SP4: variants seen among roughly 807,000 people sequenced by gnomAD.
SP4 encodes the protein Sp4 transcription factor.
SP4 carries 19 observed loss-of-function variants against 72.8 expected under a neutral mutation model. That is an observed-to-expected ratio of 0.26 (90% CI 0.18 to 0.38). The LOEUF (loss-of-function observed/expected upper bound fraction) is 0.38, where lower values mean the gene tolerates loss of function less well. Ranked by LOEUF, SP4 falls within the 10% of genes least tolerant of loss-of-function variation. The probability of loss-of-function intolerance (pLI) is 1.00; values close to 1 mark genes in which losing one functional copy is unlikely to be tolerated. For missense variants in SP4, 1,008 were observed against 926.3 expected, an observed-to-expected ratio of 1.09 and a Z score of -1.14; for synonymous variants, 395 against 333.1, an observed-to-expected ratio of 1.19 and a Z score of -2.02.
chr7:21,492,706 T>C (rs1036939856), intron 5 of SP4, among the ~76,000 whole-genome samples: 8 of 152,196 alleles, frequency 5.3e-5, no homozygotes, highest in Non-Finnish European at 1.0e-4. Flanking sequence ...GTGGTATAAA[T>C]TATACTAATC....
At chr7:21,453,117 C>A (rs1449591800) in intron 3 of SP4, among the ~76,000 whole-genome samples, 3 of 152,106 alleles carry the variant, frequency 2.0e-5, no homozygotes, top group Non-Finnish European at 4.4e-5. Context: ...CAAAAGTTTT[C>A]TTGGCGTTGA....
chr7:21,439,877 G>T (rs1783183645), intron 3 of SP4, among the ~76,000 whole-genome samples: 1 of 152,162 alleles, frequency 6.6e-6, no homozygotes, highest in Non-Finnish European at 1.5e-5. Context: ...CTCCAGTCTG[G>T]GTGAGAGAGT....
intron 4 of SP4, among the ~76,000 whole-genome samples, chr7:21,477,737 C>T (rs1425177074): frequency 1.3e-5 from 2 of 152,040 alleles, no homozygotes; most frequent in Non-Finnish European, 2.9e-5. Context: ...GGCGGGGTTT[C>T]ACCATGTGGG....
chr7:21,466,637 G>A (rs1230557464), intron 3 of SP4, among the ~76,000 whole-genome samples: 1 of 152,148 alleles, frequency 6.6e-6, no homozygotes, highest in African/African-American at 2.4e-5. Context: ...ATTGGCTAAT[G>A]GGGTTCACCT....
rs55934020 is a variant in SP4 at position 21,479,541 on chromosome 7, A to T, written c.1907+2234A>T. Among the ~76,000 whole-genome samples the T allele has an allele frequency of 7.4e-3, 1,126 of 152,310 alleles. 7 individuals carry two copies. The highest frequency in any genetic ancestry group is 0.011 in the Non-Finnish European group (721 of 68,034). On this transcript the variant is annotated intron_variant, in intron 4 of 5. Coordinates refer to ENST00000222584, the MANE Select transcript of SP4 (RefSeq NM_003112.5). ...CTATCTTGAGTACTTTGGATTTGTA[A>T]TAACTTTTGAAATCGAGAAATGTGA...
At chr7:21,476,936 A>G in intron 3 of SP4, 143 bp from the exon 4 acceptor site, 4 of 624,504 alleles carry the variant, frequency 6.4e-6, no homozygotes, top group South Asian at 2.0e-5. Flanking sequence ...AAGGATTGAC[A>G]TAGTATAAGC....
intron 5 of SP4, among the ~76,000 whole-genome samples, chr7:21,509,085 T>C (rs1452734294): frequency 6.6e-6 from 1 of 152,138 alleles, no homozygotes; most frequent in South Asian, 2.1e-4. Context: ...TTTACTGTCT[T>C]ATATGTTGGC....
chr7:21,502,953 A>C (rs1024398039), intron 5 of SP4, among the ~76,000 whole-genome samples: 1 of 152,016 alleles, frequency 6.6e-6, no homozygotes. Flanking sequence ...TAGGTGACCC[A>C]TGCACTTTCC....
At chr7:21,505,786 A>T (rs1277275422) in intron 5 of SP4, among the ~76,000 whole-genome samples, 4 of 152,216 alleles carry the variant, frequency 2.6e-5, no homozygotes, top group Non-Finnish European at 4.4e-5. Flanking sequence ...GAATTGGAGT[A>T]TTGTAACATG....
intron 5 of SP4, among the ~76,000 whole-genome samples, chr7:21,497,909 A>G (rs189610063): frequency 2.5e-4 from 38 of 152,296 alleles, no homozygotes; most frequent in African/African-American, 8.2e-4. Context: ...CATGGTCTCA[A>G]ATCTCAACCA....
intron 3 of SP4, among the ~76,000 whole-genome samples, chr7:21,450,885 G>A (rs1456664118): frequency 6.6e-6 from 1 of 152,198 alleles, no homozygotes; most frequent in Non-Finnish European, 1.5e-5. Context: ...GAGCAGGAGT[G>A]AAAGTTTATT....
At chr7:21,447,648 A>G (rs942175972) in intron 3 of SP4, among the ~76,000 whole-genome samples, 9 of 152,212 alleles carry the variant, frequency 5.9e-5, no homozygotes, top group Non-Finnish European at 1.0e-4. Context: ...ACTGGCATGC[A>G]TAGAGTTTAA....
intron 5 of SP4, among the ~76,000 whole-genome samples, chr7:21,499,345 A>G (rs1781809275): frequency 6.6e-6 from 1 of 152,136 alleles, no homozygotes; most frequent in African/African-American, 2.4e-5. Context: ...CCTTATTTGG[A>G]AATAGGGTCT....
intron 3 of SP4, among the ~76,000 whole-genome samples, chr7:21,460,589 T>G (rs1490621246): frequency 1.3e-5 from 2 of 152,162 alleles, no homozygotes; most frequent in Non-Finnish European, 2.9e-5. Context: ...CAGCCTGCTT[T>G]TATTTTCTTA....
chr7:21,455,001 C>T (rs554918217), intron 3 of SP4, among the ~76,000 whole-genome samples: 1 of 152,328 alleles, frequency 6.6e-6, no homozygotes, highest in East Asian at 1.9e-4. Context: ...ATAATTTTTA[C>T]TTGCCACATC....
rs1782156216 is a variant in SP4, at chr7:21,512,002, T to A, written c.*733T>A. Reference sequence around the variant, plus strand: ...CCTTAGGAAAATGCTGGGAAAAAAATGGTTAAAACAAAACTCATCATAGCT... The same window carrying A: ...CCTTAGGAAAATGCTGGGAAAAAAAAGGTTAAAACAAAACTCATCATAGCT... On this transcript the variant is annotated 3_prime_UTR_variant, in exon 6 of 6. Coordinates refer to ENST00000222584, the MANE Select transcript of SP4 (RefSeq NM_003112.5). The A allele has an allele frequency of 6.6e-6, 1 of 152,502 alleles. No homozygotes were observed. 9.4% of individuals were successfully genotyped at this position (152,502 alleles called of 1,614,324 possible). A position where few individuals can be genotyped will look rare whatever the true frequency, so the allele number is the denominator to read the frequency against.
At chr7:21,454,248 A>C (rs7793276) in intron 3 of SP4, among the ~76,000 whole-genome samples, 18,301 of 152,252 alleles carry the variant, frequency 0.12, 2,397 homozygotes, top group East Asian at 0.54. Context: ...GCTTTAAAGC[A>C]GACAAGTTGT....
intron 4 of SP4, among the ~76,000 whole-genome samples, chr7:21,481,311 C>G (rs1340283297): frequency 6.6e-6 from 1 of 152,178 alleles, no homozygotes; most frequent in African/African-American, 2.4e-5. Flanking sequence ...TTAGCTGCAC[C>G]AGTCTCTAAT....
chr7:21,500,431 C>CAGG (rs1480564817), intron 5 of SP4, among the ~76,000 whole-genome samples: 1 of 152,198 alleles, frequency 6.6e-6, no homozygotes, highest in African/African-American at 2.4e-5. Flanking sequence ...TTCTCTAGGT[C>CAGG]AGGAGTTCAA....
Sources: allele counts gnomAD v4.1 joint callset (sites outside exome capture counted in the v4.1 genomes callset), GRCh38; gene constraint gnomAD v4.1.1; transcripts MANE v1.5; gene names NCBI Gene and HGNC (gene_info 2026-07-23, HGNC 2026-07-21).